Variants in CTNNA2 observed in about 807,000 individuals in gnomAD.
CTNNA2 encodes catenin alpha-2.
A neutral mutation model predicts 101.0 loss-of-function variants in CTNNA2; 42 were observed. The ratio of observed to expected loss-of-function variants is 0.42; its 90% CI spans 0.32 to 0.54. The LOEUF (loss-of-function observed/expected upper bound fraction) is 0.54. CTNNA2 is among the 20% of genes least tolerant of loss of function. The probability of loss-of-function intolerance (pLI) is 0.14; values close to 1 mark genes in which losing one functional copy is unlikely to be tolerated. For synonymous variants in CTNNA2, 450 were observed against 456.4 expected, an observed-to-expected ratio of 0.99 and a Z score of 0.18; for missense variants, 871 against 1,223.1, an observed-to-expected ratio of 0.71 and a Z score of 4.29.
intron 9 of CTNNA2, among the ~76,000 whole-genome samples, chr2:80,439,555 C>T (rs2149439462): frequency 6.6e-6 from 1 of 152,146 alleles, no homozygotes; most frequent in South Asian, 2.1e-4. Flanking sequence ...CAAACCACCA[C>T]ACCTGGCTAA....
At chr2:79,309,701 G>C (rs1362098616) in intron 2 of CTNNA2, among the ~76,000 whole-genome samples, 1 of 152,104 alleles carries the variant, frequency 6.6e-6, no homozygotes, top group Admixed American at 6.5e-5. Context: ...TCTGGCTCCT[G>C]ATTTCTCTAA....
chr2:79,683,400 TGAA>T (rs1464787169), intron 2 of CTNNA2, among the ~76,000 whole-genome samples: 2 of 152,342 alleles, frequency 1.3e-5, no homozygotes, highest in East Asian at 3.9e-4. Context: ...TCAATTTCCC[TGAA>T]GAAGTCCGTC....
At chr2:80,264,209 A>T (rs1573544621) in intron 7 of CTNNA2, among the ~76,000 whole-genome samples, 1 of 152,190 alleles carries the variant, frequency 6.6e-6, no homozygotes, top group East Asian at 1.9e-4. Flanking sequence ...TGCCACAACG[A>T]TTTATTTTCT....
chr2:80,203,767 A>G (rs903381965), intron 7 of CTNNA2, among the ~76,000 whole-genome samples: 3 of 151,916 alleles, frequency 2.0e-5, no homozygotes, highest in African/African-American at 7.3e-5. Context: ...CCCAGTAGGG[A>G]CTCTGTGTGG....
chr2:79,245,375 G>A (rs1178169762), intron 2 of CTNNA2, among the ~76,000 whole-genome samples: 1 of 152,182 alleles, frequency 6.6e-6, no homozygotes, highest in African/African-American at 2.4e-5. Flanking sequence ...ATTTGAACCT[G>A]GGAGGCAGAG....
chr2:80,501,301 T>C (rs17019249), intron 9 of CTNNA2, among the ~76,000 whole-genome samples: 21,783 of 152,230 alleles, frequency 0.14, 2,289 homozygotes, highest in East Asian at 0.6. Flanking sequence ...ATCAAAAATA[T>C]ATCACCGTAA....
chr2:80,294,836 C>A (rs1366415789), intron 7 of CTNNA2, among the ~76,000 whole-genome samples: 1 of 152,068 alleles, frequency 6.6e-6, no homozygotes, highest in Non-Finnish European at 1.5e-5. Flanking sequence ...AGAACGAATT[C>A]CTTCTTCTCA....
chr2:79,699,698 A>AT (rs1323903637), intron 2 of CTNNA2, among the ~76,000 whole-genome samples: 1 of 149,412 alleles, frequency 6.7e-6, no homozygotes, highest in Admixed American at 6.7e-5. Flanking sequence ...TCTTTTTTGT[A>AT]TTTTTTTTCT....
intron 7 of CTNNA2, among the ~76,000 whole-genome samples, chr2:80,050,013 C>T (rs979193954): frequency 6.6e-6 from 1 of 152,022 alleles, no homozygotes; most frequent in East Asian, 1.9e-4. Context: ...CCTGCCGTGC[C>T]CTCTCCTTCC....
At chr2:80,566,955 G>A (rs553948883) in intron 12 of CTNNA2, among the ~76,000 whole-genome samples, 112 of 152,262 alleles carry the variant, frequency 7.4e-4, no homozygotes, top group African/African-American at 2.5e-3. Context: ...TAAAATTAGG[G>A]GTGGAAGTGA....
At chr2:80,464,722 T>C (rs1008647237) in intron 9 of CTNNA2, among the ~76,000 whole-genome samples, 1 of 152,216 alleles carries the variant, frequency 6.6e-6, no homozygotes, top group Non-Finnish European at 1.5e-5. Flanking sequence ...ACCTTGTTTA[T>C]GTAAATTTCC....
intron 2 of CTNNA2, among the ~76,000 whole-genome samples, chr2:79,277,219 T>C (rs1294299673): frequency 6.6e-6 from 1 of 152,142 alleles, no homozygotes; most frequent in African/African-American, 2.4e-5. Flanking sequence ...TCAAGCGGCT[T>C]AAAGGAAATT....
chr2:79,613,140 T>C (rs1678392334), intron 1 of CTNNA2, among the ~76,000 whole-genome samples: 1 of 145,406 alleles, frequency 6.9e-6, no homozygotes, highest in Admixed American at 7.1e-5. Flanking sequence ...ACCATTAGTA[T>C]GTTTACAGTG....
rs146799896 is a variant in CTNNA2 at position 80,462,762 on chromosome 2, C to T, written c.1290+43161C>T. Among the ~76,000 whole-genome samples the T allele has an allele frequency of 5.3e-5, 8 of 151,486 alleles. No homozygotes were observed. The East Asian group carries it at 9.8e-4, about 19-fold the overall frequency. On this transcript the variant is annotated intron_variant, in intron 9 of 18. Coordinates refer to ENST00000402739, the MANE Select transcript of CTNNA2 (RefSeq NM_001282597.3). ...CACTAGGACATGGTTTGCAAGCATC[C>T]AGGAATTAGTCTACGCACTCTTTGG...
intron 7 of CTNNA2, among the ~76,000 whole-genome samples, chr2:80,160,387 G>A (rs557978001): frequency 6.6e-6 from 1 of 152,164 alleles, no homozygotes; most frequent in Non-Finnish European, 1.5e-5. Context: ...ATCAATTTGG[G>A]TAGAATTGAT....
chr2:80,602,409 A>G (rs1473583660), intron 15 of CTNNA2, among the ~76,000 whole-genome samples: 1 of 152,072 alleles, frequency 6.6e-6, no homozygotes, highest in Non-Finnish European at 1.5e-5. Flanking sequence ...AGCATTTTCC[A>G]AGATCCTTTG....
chr2:79,955,356 T>C (rs891802574), intron 7 of CTNNA2, among the ~76,000 whole-genome samples: 1 of 152,214 alleles, frequency 6.6e-6, no homozygotes, highest in African/African-American at 2.4e-5. Flanking sequence ...TGTAGTGCTC[T>C]GAGAGGGATC....
intron 9 of CTNNA2, among the ~76,000 whole-genome samples, chr2:80,529,976 G>C (rs984342206): frequency 6.6e-6 from 1 of 152,042 alleles, no homozygotes; most frequent in Admixed American, 6.6e-5. Flanking sequence ...TTGGCTCGGG[G>C]TTTGTGTACA....
intron 1 of CTNNA2, among the ~76,000 whole-genome samples, chr2:79,574,580 G>A (rs1387636444): frequency 6.6e-6 from 1 of 152,112 alleles, no homozygotes. Flanking sequence ...AGTATTACGT[G>A]GTACGTATGT....
Sources: gnomAD v4.1 joint callset for allele counts (sites outside exome capture counted in the v4.1 genomes callset) on GRCh38, gnomAD v4.1.1 for gene constraint, MANE v1.5 for transcripts, NCBI Gene and HGNC (gene_info 2026-07-23, HGNC 2026-07-21) for gene names.